PPP4R3B: variants seen among roughly 807,000 people sequenced by gnomAD.
PPP4R3B encodes serine/threonine-protein phosphatase 4 regulatory subunit 3B.
In PPP4R3B, 52 loss-of-function variants were observed where a neutral mutation model predicts 95.4. The observed-to-expected ratio is 0.54, with a 90% CI of 0.44 to 0.69. The LOEUF (loss-of-function observed/expected upper bound fraction) is 0.69, where lower values mean the gene tolerates loss of function less well. Among genes scored for constraint, PPP4R3B ranks in the 30% least tolerant of loss-of-function variants. The pLI, the probability that PPP4R3B is intolerant of heterozygous loss-of-function variation, is 0.00. For synonymous variants in PPP4R3B, 407 were observed against 343.9 expected (o/e 1.18, Z -2.03); for missense variants, 1,003 against 1,005.9 (o/e 1.00, Z 0.04).
chr2:55,600,456 A>AAAAAAAAG (rs1692404304), intron 3 of PPP4R3B, among the ~76,000 whole-genome samples: 1 of 144,540 alleles, frequency 6.9e-6, no homozygotes, highest in African/African-American at 2.6e-5. Context: ...AAAAAAAAAA[A>AAAAAAAAG]GGCGGGCAGG....
chr2:55,555,101 A>G (rs931798613), intron 16 of PPP4R3B, among the ~76,000 whole-genome samples: 5 of 152,178 alleles, frequency 3.3e-5, no homozygotes, highest in African/African-American at 1.2e-4. Context: ...TAACACAGTG[A>G]AATCCCATCT....
chr2:55,577,783 T>A (rs1357960585), intron 10 of PPP4R3B, among the ~76,000 whole-genome samples: 1 of 151,918 alleles, frequency 6.6e-6, no homozygotes, highest in Non-Finnish European at 1.5e-5. Flanking sequence ...TTTTTAAAAC[T>A]CCAGAATAAT....
At chr2:55,552,140 C>T (rs1380550822) in intron 16 of PPP4R3B, among the ~76,000 whole-genome samples, 1 of 152,076 alleles carries the variant, frequency 6.6e-6, no homozygotes, top group Non-Finnish European at 1.5e-5. Context: ...AACTAACATA[C>T]ATTTAAAACA....
intron 16 of PPP4R3B, among the ~76,000 whole-genome samples, chr2:55,552,682 C>A (rs531982676): frequency 6.6e-6 from 1 of 152,190 alleles, no homozygotes; most frequent in Non-Finnish European, 1.5e-5. Flanking sequence ...TCGGCTTCAT[C>A]ATATACTTTA....
intron 15 of PPP4R3B, among the ~76,000 whole-genome samples, chr2:55,560,857 G>C (rs1035968671): frequency 1.4e-5 from 2 of 147,332 alleles, no homozygotes; most frequent in Admixed American, 1.4e-4. Flanking sequence ...TATGCATGAA[G>C]AAAGAGATGG....
At position 55,581,697 on chromosome 2, in the gene PPP4R3B, T is replaced by C. The variant is rs755422976; in HGVS notation, c.1235A>G (p.Asp412Gly). ...VMQEAQQSDD[D>G]ILLINVVIEQ... ...AATTACCACATTAATAAGAAGAATA[T>C]CCTGGTGGCAAAACAAAACAAAACA... is the stretch of plus-strand genomic sequence containing the variant. The change falls in exon 8 of 17, where the codon GAT becomes GGT. Residue 412 changes from aspartate (D) to glycine (G), a missense_variant and splice_region_variant. Coordinates refer to ENST00000616407, the MANE Select transcript of PPP4R3B (RefSeq NM_001122964.3). 1 of 1,611,054 alleles carries C rather than the reference T, an allele frequency of 6.2e-7. No individual in the cohort carries two copies. The highest frequency in any genetic ancestry group is 1.7e-5 in the Admixed American group (1 of 59,600).
intron 12 of PPP4R3B, among the ~76,000 whole-genome samples, chr2:55,572,144 T>C (rs1373246954): frequency 1.3e-5 from 2 of 152,208 alleles, no homozygotes; most frequent in Non-Finnish European, 2.9e-5. Context: ...AAATTTCACA[T>C]GTGTTACATA....
intron 13 of PPP4R3B, 53 bp downstream of exon 13, chr2:55,568,141 A>C: frequency 8.2e-7 from 1 of 1,220,888 alleles, no homozygotes. Flanking sequence ...TTTTACATAA[A>C]AAATTATTTA....
chr2:55,606,593 G>A (rs867653692), intron 2 of PPP4R3B, among the ~76,000 whole-genome samples: 2 of 151,690 alleles, frequency 1.3e-5, no homozygotes, highest in Admixed American at 6.6e-5. Flanking sequence ...AGGCCGAGGC[G>A]GGCGGATCAC....
intron 14 of PPP4R3B, among the ~76,000 whole-genome samples, 164 bp downstream of exon 14, chr2:55,564,738 A>G (rs1052934434): frequency 2.0e-5 from 3 of 152,188 alleles, no homozygotes; most frequent in African/African-American, 7.2e-5. Flanking sequence ...AATTCAACAT[A>G]TAAATGATAT....
At chr2:55,550,937 TCA>T (rs569788204) in intron 16 of PPP4R3B, among the ~76,000 whole-genome samples, 73 of 152,234 alleles carry the variant, frequency 4.8e-4, no homozygotes, top group South Asian at 4.6e-3. Context: ...CTCAACTTAA[TCA>T]CACACACATC....
chr2:55,576,141 G>A (rs1688630925), intron 11 of PPP4R3B, among the ~76,000 whole-genome samples: 1 of 151,818 alleles, frequency 6.6e-6, no homozygotes, highest in Non-Finnish European at 1.5e-5. Context: ...GAGGTCAGGA[G>A]TTTGAGACCA....
rs189610836 is a variant in PPP4R3B at position 55,601,449 on chromosome 2, C to T, written c.298-2410G>A. On this transcript the variant is annotated intron_variant, in intron 3 of 16. Coordinates refer to ENST00000616407, the MANE Select transcript of PPP4R3B (RefSeq NM_001122964.3). ...AGGCTGGAGTGCAATGGCGCGATCT[C>T]GGCTCACTGCAAGCTCCGCCTCCCA... 5.2e-4 allele frequency among the ~76,000 whole-genome samples: 79 copies of T among 151,572 alleles called. No homozygotes were observed. In the East Asian group the frequency reaches 0.013, roughly 25 times the overall value.
chr2:55,577,124 A>G (rs1202105462), intron 11 of PPP4R3B, among the ~76,000 whole-genome samples, 191 bp downstream of exon 11: 2 of 152,204 alleles, frequency 1.3e-5, no homozygotes, highest in Non-Finnish European at 2.9e-5. Flanking sequence ...TTTTCAGGGA[A>G]AAACAACAGA....
At chr2:55,565,705 T>C (rs1208301084) in intron 13 of PPP4R3B, 2 of 211,356 alleles carry the variant, frequency 9.5e-6, no homozygotes, top group Non-Finnish European at 2.0e-5. Flanking sequence ...TGGGATATGG[T>C]TGTGGTGGTT....
chr2:55,613,439 C>T (rs555553628), intron 2 of PPP4R3B, among the ~76,000 whole-genome samples: 1 of 151,734 alleles, frequency 6.6e-6, no homozygotes, highest in African/African-American at 2.4e-5. Context: ...AAAACATTTC[C>T]AAATGGTGTA....
At position 55,552,064 on chromosome 2, in the gene PPP4R3B, C is replaced by T. The variant is rs541464014; in HGVS notation, c.2455-2058G>A. 2.4e-3 allele frequency among the ~76,000 whole-genome samples: 367 copies of T among 152,186 alleles called. 1 individual carries two copies. The highest frequency in any genetic ancestry group is 3.2e-3 in the Non-Finnish European group (215 of 68,012). ...TGGTTAACACTTAATTGTTTCTGCC[C>T]AAGATTAATAAATTGTCTGAAAAAC... On this transcript the variant is annotated intron_variant, in intron 16 of 16. Coordinates refer to ENST00000616407, the MANE Select transcript of PPP4R3B (RefSeq NM_001122964.3).
intron 2 of PPP4R3B, among the ~76,000 whole-genome samples, chr2:55,608,870 A>C (rs1306557229): frequency 1.3e-5 from 2 of 152,158 alleles, no homozygotes; most frequent in Non-Finnish European, 2.9e-5. Context: ...CTGCAGTCCC[A>C]GCTACTCAGA....
At chr2:55,607,933 T>C (rs913500225) in intron 2 of PPP4R3B, among the ~76,000 whole-genome samples, 10 of 152,200 alleles carry the variant, frequency 6.6e-5, no homozygotes, top group African/African-American at 1.2e-4. Context: ...CAGGTAAACA[T>C]TGAAAGAGAA....
Sources: gnomAD v4.1 joint callset for allele counts (sites outside exome capture counted in the v4.1 genomes callset) on GRCh38, gnomAD v4.1.1 for gene constraint, MANE v1.5 for transcripts, NCBI Gene and HGNC (gene_info 2026-07-23, HGNC 2026-07-21) for gene names.